The following POMGNT2 variants were observed in gnomAD, a reference collection of about 807,000 sequenced individuals.
POMGNT2 encodes protein O-linked-mannose beta-1,4-N-acetylglucosaminyltransferase 2.
POMGNT2 carries 32 observed loss-of-function variants against 37.8 expected under a neutral mutation model. That is an observed-to-expected ratio of 0.85 (90% CI 0.64 to 1.14). The LOEUF (loss-of-function observed/expected upper bound fraction) is 1.14. Among genes scored for constraint, POMGNT2 ranks in the 50% most tolerant of loss-of-function variants. The pLI, the probability that POMGNT2 is intolerant of heterozygous loss-of-function variation, is 0.00. For synonymous variants in POMGNT2, 340 were observed against 336.8 expected, an observed-to-expected ratio of 1.01 and a Z score of -0.10; for missense variants, 705 against 780.6, an observed-to-expected ratio of 0.90 and a Z score of 1.15.
In POMGNT2 at chr3:43,098,698, T is replaced by C. The variant is rs1324876660; in HGVS notation, c.-106+7138A>G. On this transcript the variant is annotated intron_variant, in intron 1 of 1. Transcript: ENST00000344697. The surrounding 1 kb of genome is among the most constrained non-coding windows in gnomAD (Gnocchi z 4.3). ...ATCCACCATCAATAGCTGATGACTG[T>C]GACTATATTGCCTTATCAATAGAAA... 6.6e-6 allele frequency among the ~76,000 whole-genome samples: 1 copy of C among 152,176 alleles called. No individual in the cohort carries two copies. Among genetic ancestry groups the C allele is most frequent in the East Asian group, 1.9e-4 (1 of 5,198 alleles).
In POMGNT2 at chr3:43,084,599, C is replaced by T. The variant is rs561428367; in HGVS notation, c.-105-3063G>A. ...GGTGGAGCTTGCAGTGAGCCGAGAT[C>T]GCACCACTGCACTCCAGCCTGGGTG... On this transcript the variant is annotated intron_variant, in intron 1 of 1. Coordinates refer to ENST00000344697, the MANE Select transcript of POMGNT2 (RefSeq NM_032806.6). Among the ~76,000 whole-genome samples, 6 of 151,418 alleles carry T rather than the reference C, an allele frequency of 4.0e-5. No homozygotes were observed. The South Asian group carries it at 8.4e-4, about 21-fold the overall frequency.
chr3:43,099,129 C>T (rs943763629), intron 1 of POMGNT2, among the ~76,000 whole-genome samples: 1 of 152,144 alleles, frequency 6.6e-6, no homozygotes, highest in African/African-American at 2.4e-5. Flanking sequence ...GGTGGAACTA[C>T]AAAATCAAAT....
chr3:43,082,312 C>T (rs1295249108), intron 1 of POMGNT2, among the ~76,000 whole-genome samples: 5 of 152,146 alleles, frequency 3.3e-5, no homozygotes, highest in African/African-American at 7.2e-5. Flanking sequence ...GACACACACA[C>T]GTATGGTCAG....
At chr3:43,096,157 T>C (rs1410444498) in intron 1 of POMGNT2, among the ~76,000 whole-genome samples, 1 of 152,168 alleles carries the variant, frequency 6.6e-6, no homozygotes, top group East Asian at 1.9e-4. Flanking sequence ...CTATCACTCC[T>C]CTTACTCGTG....
chr3:43,104,822 C>G (rs957272062), intron 1 of POMGNT2, among the ~76,000 whole-genome samples: 2 of 152,152 alleles, frequency 1.3e-5, no homozygotes, highest in South Asian at 2.1e-4. Flanking sequence ...CTATTTCATC[C>G]CCACTGCAAC....
At chr3:43,090,999 C>G (rs2089939272) in intron 1 of POMGNT2, among the ~76,000 whole-genome samples, 1 of 152,184 alleles carries the variant, frequency 6.6e-6, no homozygotes, top group Non-Finnish European at 1.5e-5. Flanking sequence ...GACACTGATT[C>G]TCCTCCCACA....
At chr3:43,102,655 A>G (rs2090027703) in intron 1 of POMGNT2, among the ~76,000 whole-genome samples, 1 of 152,192 alleles carries the variant, frequency 6.6e-6, no homozygotes, top group Non-Finnish European at 1.5e-5. Flanking sequence ...TGCAGTACCA[A>G]TATTATCCCC....
intron 1 of POMGNT2, among the ~76,000 whole-genome samples, chr3:43,086,195 G>C (rs1369421856): frequency 3.3e-5 from 5 of 152,158 alleles, no homozygotes; most frequent in Non-Finnish European, 1.5e-5. Context: ...AAAGAAGCAG[G>C]CCATGAATCA....
At chr3:43,087,035 G>A (rs919021625) in intron 1 of POMGNT2, among the ~76,000 whole-genome samples, 5 of 152,160 alleles carry the variant, frequency 3.3e-5, no homozygotes, top group African/African-American at 1.2e-4. Context: ...ATGTGAAGAT[G>A]AAGACGAGAC....
Position 43,079,659 on chromosome 3 carries a change from C to T in POMGNT2, c.*30G>A. On this transcript the variant is annotated 3_prime_UTR_variant, in exon 2 of 2. Coordinates refer to ENST00000344697, the MANE Select transcript of POMGNT2 (RefSeq NM_032806.6). ...CAGGGACGCTGAACTGCAGGAGCCA[C>T]CTTCCCGAGGCCAGGCTGTGGCCTG... The T allele has an allele frequency of 6.3e-7, 1 of 1,583,532 alleles. No homozygotes were observed. Among genetic ancestry groups the T allele is most frequent in the Non-Finnish European group, 8.6e-7 (1 of 1,163,568 alleles).
chr3:43,094,883 C>G (rs1206848791), intron 1 of POMGNT2, among the ~76,000 whole-genome samples: 1 of 152,236 alleles, frequency 6.6e-6, no homozygotes, highest in Non-Finnish European at 1.5e-5. Context: ...ATGTGCCTCT[C>G]CTGCACCTGC....
At chr3:43,095,574 G>A (rs1559419588) in intron 1 of POMGNT2, among the ~76,000 whole-genome samples, 1 of 152,230 alleles carries the variant, frequency 6.6e-6, no homozygotes, top group Non-Finnish European at 1.5e-5. Flanking sequence ...CTTCTCGGCT[G>A]TCTTGCCCTA....
intron 1 of POMGNT2, among the ~76,000 whole-genome samples, chr3:43,083,287 G>A (rs1179129167): frequency 6.6e-6 from 1 of 151,876 alleles, no homozygotes; most frequent in Non-Finnish European, 1.5e-5. Flanking sequence ...TTAACTTTCC[G>A]ACCTACTCAC....
intron 1 of POMGNT2, among the ~76,000 whole-genome samples, chr3:43,096,745 A>G (rs1370016994): frequency 6.6e-6 from 1 of 152,224 alleles, no homozygotes; most frequent in African/African-American, 2.4e-5. Flanking sequence ...ACAAAGCATG[A>G]TAAAACAAAA....
chr3:43,104,325 C>T (rs1306013508), intron 1 of POMGNT2, among the ~76,000 whole-genome samples: 1 of 152,170 alleles, frequency 6.6e-6, no homozygotes, highest in Admixed American at 6.5e-5. Flanking sequence ...TTGGCAAGGA[C>T]CCTTGGAATG....
At chr3:43,100,930 T>C (rs2090014152) in intron 1 of POMGNT2, among the ~76,000 whole-genome samples, 1 of 152,198 alleles carries the variant, frequency 6.6e-6, no homozygotes, top group African/African-American at 2.4e-5. Flanking sequence ...TGTGAGTCTT[T>C]CTGGGACACT....
chr3:43,089,511 T>C (rs1293803969), intron 1 of POMGNT2, among the ~76,000 whole-genome samples: 2 of 152,190 alleles, frequency 1.3e-5, no homozygotes, highest in African/African-American at 2.4e-5. Flanking sequence ...GGAGCTATTA[T>C]AGGTCTTGGA....
At chr3:43,095,482 G>A (rs1166304946) in intron 1 of POMGNT2, among the ~76,000 whole-genome samples, 1 of 151,866 alleles carries the variant, frequency 6.6e-6, no homozygotes, top group East Asian at 2.0e-4. Context: ...TTCCTGCTTG[G>A]GCAAGGACAT....
chr3:43,083,588 A>G (rs1038565695), intron 1 of POMGNT2, among the ~76,000 whole-genome samples: 11 of 152,226 alleles, frequency 7.2e-5, no homozygotes, highest in African/African-American at 2.7e-4. Flanking sequence ...TAGGCATCAT[A>G]CTATAATCTG....
Sources: gnomAD v4.1 joint callset for allele counts (sites outside exome capture counted in the v4.1 genomes callset) on GRCh38, gnomAD v4.1.1 for gene constraint, Gnocchi (gnomAD v3.1) non-coding constraint, MANE v1.5 for transcripts, NCBI Gene and HGNC (gene_info 2026-07-23, HGNC 2026-07-21) for gene names.